PCCA: variants seen among roughly 807,000 people sequenced by gnomAD.
The protein encoded by PCCA is propionyl-CoA carboxylase alpha chain, mitochondrial.
A neutral mutation model predicts 101.3 loss-of-function variants in PCCA; 74 were observed. The ratio of observed to expected loss-of-function variants is 0.73; its 90% CI spans 0.61 to 0.89. PCCA has a LOEUF of 0.89. Ranked by LOEUF, PCCA falls within the 40% of genes least tolerant of loss-of-function variation. The pLI is 0.00. For missense variants in PCCA, 891 were observed against 907.0 expected (o/e 0.98, Z 0.23); for synonymous variants, 294 against 313.6 (o/e 0.94, Z 0.66).
At chr13:100,350,276 G>A (rs1318261109) in intron 18 of PCCA, among the ~76,000 whole-genome samples, 4 of 151,996 alleles carry the variant, frequency 2.6e-5, no homozygotes, top group Admixed American at 6.6e-5. Flanking sequence ...ATCATAACTC[G>A]TTTCATACTC....
At chr13:100,266,378 A>T (rs148084777) in intron 10 of PCCA, among the ~76,000 whole-genome samples, 21 of 152,196 alleles carry the variant, frequency 1.4e-4, no homozygotes, top group African/African-American at 4.1e-4. Flanking sequence ...CCTGGGTGAT[A>T]TTTTTAAACA....
chr13:100,184,418 G>C (rs368717404), intron 6 of PCCA, among the ~76,000 whole-genome samples: 15 of 152,152 alleles, frequency 9.9e-5, no homozygotes, highest in African/African-American at 3.6e-4. Flanking sequence ...TCTCTGTTAA[G>C]TAGGCAGATA....
rs775883644 is a variant in PCCA at position 100,150,964 on chromosome 13, C to A, written c.301-4015C>A. 1.9e-5 allele frequency: 29 copies of A among 1,517,866 alleles called. No individual in the cohort carries two copies. The Middle Eastern group carries it at 1.5e-3, about 80-fold the overall frequency. 94.0% of individuals were successfully genotyped at this position (1,517,866 alleles called of 1,614,324 possible). A position where few individuals can be genotyped will look rare whatever the true frequency, so the allele number is the denominator to read the frequency against. On this transcript the variant is annotated intron_variant, in intron 4 of 23. Transcript: ENST00000376285. ...AGCCCAGTCAGCGCGCTTTATCAGG[C>A]TGGGTGGGGCGGAGAGCCCTGTGGA...
At chr13:100,484,142 G>T (rs146897197) in intron 21 of PCCA, among the ~76,000 whole-genome samples, 8 of 151,992 alleles carry the variant, frequency 5.3e-5, no homozygotes, top group African/African-American at 1.9e-4. Context: ...AAAACTGGCC[G>T]CTTTCCTGCT....
intron 6 of PCCA, among the ~76,000 whole-genome samples, chr13:100,183,219 AT>A (rs1040176150): frequency 5.3e-5 from 8 of 152,062 alleles, no homozygotes; most frequent in African/African-American, 1.4e-4. Context: ...CTCCCCAAGA[AT>A]TTATTCCTAT....
intron 4 of PCCA, among the ~76,000 whole-genome samples, chr13:100,114,068 C>G (rs1355171587): frequency 6.6e-6 from 1 of 151,964 alleles, no homozygotes; most frequent in Non-Finnish European, 1.5e-5. Context: ...TTAGCCTAGA[C>G]CTGCAGAGGA....
At chr13:100,197,803 AAAAGC>A (rs2058213011) in intron 6 of PCCA, among the ~76,000 whole-genome samples, 1 of 152,174 alleles carries the variant, frequency 6.6e-6, no homozygotes, top group Admixed American at 6.6e-5. Flanking sequence ...TTTAACACCT[AAAAGC>A]TGGGAGAAGG....
chr13:100,426,311 C>G (rs2079145187), intron 20 of PCCA, among the ~76,000 whole-genome samples: 1 of 151,660 alleles, frequency 6.6e-6, no homozygotes, highest in Non-Finnish European at 1.5e-5. Context: ...AAAAGAGATT[C>G]TGCCAAAATT....
At chr13:100,090,650 TA>T (rs1428361415) in intron 1 of PCCA, among the ~76,000 whole-genome samples, 1 of 152,208 alleles carries the variant, frequency 6.6e-6, no homozygotes, top group Non-Finnish European at 1.5e-5. Context: ...AAAATGGTAT[TA>T]GGGGAGATGC....
At chr13:100,212,640 C>T (rs1353064547) in intron 7 of PCCA, among the ~76,000 whole-genome samples, 1 of 152,136 alleles carries the variant, frequency 6.6e-6, no homozygotes, top group African/African-American at 2.4e-5. Flanking sequence ...TCTAATTAGT[C>T]TCCTTGTAGT....
intron 21 of PCCA, among the ~76,000 whole-genome samples, chr13:100,456,215 A>G (rs1424690937): frequency 2.6e-5 from 4 of 152,160 alleles, no homozygotes; most frequent in African/African-American, 9.7e-5. Context: ...TCCACCTCTG[A>G]GAAGTACCTC....
At chr13:100,354,669 A>C (rs1652553232) in intron 18 of PCCA, among the ~76,000 whole-genome samples, 1 of 152,196 alleles carries the variant, frequency 6.6e-6, no homozygotes, top group Non-Finnish European at 1.5e-5. Flanking sequence ...GGGTATGCCT[A>C]CTGACCTTAC....
intron 6 of PCCA, among the ~76,000 whole-genome samples, chr13:100,200,169 A>G (rs560823151): frequency 1.3e-5 from 2 of 152,188 alleles, no homozygotes; most frequent in African/African-American, 2.4e-5. Context: ...CAGTGGCGCA[A>G]TCTTGGCTCA....
rs9557444 is a variant in PCCA at position 100,512,877 on chromosome 13, G to A, written c.1900-2550G>A. On this transcript the variant is annotated intron_variant, in intron 21 of 23. Transcript: ENST00000376285. Reference sequence around the variant, plus strand: ...CGGTGAAACCGAGCTTGTACCCCACGGTCCAGGTAGGGGCACATTCCTGAA... The same window carrying A: ...CGGTGAAACCGAGCTTGTACCCCACAGTCCAGGTAGGGGCACATTCCTGAA... Among the ~76,000 whole-genome samples, 430 of 152,322 alleles carry A rather than the reference G, an allele frequency of 2.8e-3. 17 individuals carry two copies. In the East Asian group the frequency reaches 0.055, roughly 19 times the overall value.
intron 19 of PCCA, among the ~76,000 whole-genome samples, chr13:100,382,747 T>C (rs569259400): frequency 6.6e-5 from 10 of 152,296 alleles, no homozygotes; most frequent in African/African-American, 2.4e-4. Flanking sequence ...TAATTCAACA[T>C]ATAATATTTT....
chr13:100,425,048 A>G (rs1473819308), intron 19 of PCCA, among the ~76,000 whole-genome samples: 4 of 152,050 alleles, frequency 2.6e-5, no homozygotes, highest in Non-Finnish European at 5.9e-5. Flanking sequence ...TTGAAAGATT[A>G]TGGGTCTTTT....
chr13:100,235,433 A>T (rs188030218), intron 7 of PCCA, among the ~76,000 whole-genome samples: 132 of 152,140 alleles, frequency 8.7e-4, no homozygotes, highest in African/African-American at 3.0e-3. Context: ...TAGAGAATCA[A>T]CTCCCCCTGC....
chr13:100,234,708 C>T (rs1441159980), intron 7 of PCCA, among the ~76,000 whole-genome samples: 1 of 151,162 alleles, frequency 6.6e-6, no homozygotes, highest in Non-Finnish European at 1.5e-5. Context: ...CCGCCCCCTT[C>T]TCGGAGGATT....
At chr13:100,361,444 CTTTTT>C (rs71419745) in intron 18 of PCCA, among the ~76,000 whole-genome samples, 270 of 149,318 alleles carry the variant, frequency 1.8e-3, no homozygotes, top group South Asian at 2.1e-3. Flanking sequence ...AAAATAATGT[CTTTTT>C]TTTTTTTTTT....
Sources: allele counts gnomAD v4.1 joint callset (sites outside exome capture counted in the v4.1 genomes callset), GRCh38; gene constraint gnomAD v4.1.1; transcripts MANE v1.5; gene names NCBI Gene and HGNC (gene_info 2026-07-23, HGNC 2026-07-21).